The following GRM8 variants were observed in gnomAD, a reference collection of about 807,000 sequenced individuals.
The protein encoded by GRM8 is glutamate metabotropic receptor 8.
A neutral mutation model predicts 87.2 loss-of-function variants in GRM8; 47 were observed. That is an observed-to-expected ratio of 0.54 (90% CI 0.43 to 0.69). The LOEUF (loss-of-function observed/expected upper bound fraction) is 0.69, where lower values mean the gene tolerates loss of function less well. GRM8 is among the 30% of genes least tolerant of loss of function. GRM8 has a pLI of 0.00. For missense variants in GRM8, 1,019 were observed against 1,139.2 expected (o/e 0.89, Z 1.52); for synonymous variants, 396 against 404.5 (o/e 0.98, Z 0.25).
intron 3 of GRM8, among the ~76,000 whole-genome samples, chr7:127,053,798 A>AGGG (rs33927872): frequency 0.051 from 5,271 of 104,152 alleles, 360 homozygotes; most frequent in Non-Finnish European, 0.058. Flanking sequence ...AAAAAAAAAA[A>AGGG]GGGGGGGGGG....
In GRM8 at chr7:126,472,137, G is replaced by T. The variant is rs13234002; in HGVS notation, c.2431-25765C>A. ...ATACAATCATGTCATCTGCAAGCAG[G>T]GACAATTTGACTTCCTCTTTTCCTA... is the stretch of plus-strand genomic sequence containing the variant. On this transcript the variant is annotated intron_variant, in intron 9 of 10. Transcript: ENST00000339582. Among the ~76,000 whole-genome samples, 663 of 152,104 alleles carry T rather than the reference G, an allele frequency of 4.4e-3. 2 individuals are homozygous for T. Among genetic ancestry groups the T allele is most frequent in the African/African-American group, 0.015 (639 of 41,500 alleles).
intron 2 of GRM8, among the ~76,000 whole-genome samples, chr7:127,153,967 G>A (rs17866432): frequency 6.6e-6 from 1 of 152,118 alleles, no homozygotes; most frequent in Non-Finnish European, 1.5e-5. Flanking sequence ...AGAGGTACAA[G>A]TGAGGGGACG....
chr7:126,855,400 A>T (rs894717666), intron 6 of GRM8, among the ~76,000 whole-genome samples: 1 of 151,970 alleles, frequency 6.6e-6, no homozygotes, highest in African/African-American at 2.4e-5. Flanking sequence ...CAGAACAGCT[A>T]GGAAACTTGT....
chr7:126,483,771 C>T (rs1339544879), intron 9 of GRM8, among the ~76,000 whole-genome samples: 1 of 112,182 alleles, frequency 8.9e-6, no homozygotes, highest in Admixed American at 9.7e-5. Context: ...CTCCCTCCCT[C>T]CCTTCCTCCC....
At chr7:126,502,324 T>G (rs1029930214) in intron 9 of GRM8, among the ~76,000 whole-genome samples, 1 of 152,028 alleles carries the variant, frequency 6.6e-6, no homozygotes, top group Non-Finnish European at 1.5e-5. Flanking sequence ...GGCAGCACAA[T>G]CAAAACAAAT....
At chr7:127,210,974 A>T (rs1461838516) in intron 2 of GRM8, among the ~76,000 whole-genome samples, 1 of 152,224 alleles carries the variant, frequency 6.6e-6, no homozygotes, top group African/African-American at 2.4e-5. Flanking sequence ...TCTCAGAGTT[A>T]GTATGGTAGA....
Position 126,895,274 on chromosome 7 carries a change from C to T in GRM8, c.1156+7268G>A, listed in dbSNP as rs547911338. Among the ~76,000 whole-genome samples, 12 of 152,134 alleles carry T rather than the reference C, an allele frequency of 7.9e-5. No homozygotes were observed. The South Asian group carries it at 2.5e-3, about 32-fold the overall frequency. On this transcript the variant is annotated intron_variant, in intron 6 of 10. Coordinates refer to ENST00000339582, the MANE Select transcript of GRM8 (RefSeq NM_000845.3). The stretch of plus-strand genomic sequence containing the variant: ...GTTTAGACGATCTTCTGTAAGACAC[C>T]TTGAGTTTATCAGTAACCTTTAGCA...
chr7:127,123,476 C>T (rs1827195352), intron 2 of GRM8, among the ~76,000 whole-genome samples: 1 of 152,118 alleles, frequency 6.6e-6, no homozygotes, highest in African/African-American at 2.4e-5. Flanking sequence ...CACATTTCCT[C>T]TCTGTGTGTG....
intron 6 of GRM8, among the ~76,000 whole-genome samples, chr7:126,804,420 C>A (rs73451274): frequency 0.019 from 2,900 of 152,266 alleles, 95 homozygotes; most frequent in African/African-American, 0.066. Context: ...TATTCTTCTG[C>A]CATAATTGGC....
intron 7 of GRM8, chr7:126,701,776 G>T: frequency 7.8e-7 from 1 of 1,279,526 alleles, no homozygotes; most frequent in Non-Finnish European, 1.0e-6. Context: ...GGAAAATGAA[G>T]GAGTAAAAAG....
intron 6 of GRM8, among the ~76,000 whole-genome samples, chr7:126,862,977 G>A (rs1414577032): frequency 6.6e-6 from 1 of 151,866 alleles, no homozygotes; most frequent in African/African-American, 2.4e-5. Flanking sequence ...GCTTCTTCTT[G>A]TATGCTTTTC....
At chr7:127,189,840 A>G (rs1430619517) in intron 2 of GRM8, among the ~76,000 whole-genome samples, 1 of 152,176 alleles carries the variant, frequency 6.6e-6, no homozygotes, top group Non-Finnish European at 1.5e-5. Flanking sequence ...GCTTACAGCA[A>G]CTCATCCCCA....
At chr7:126,578,130 T>C (rs1037364199) in intron 8 of GRM8, among the ~76,000 whole-genome samples, 2 of 152,188 alleles carry the variant, frequency 1.3e-5, no homozygotes, top group African/African-American at 4.8e-5. Flanking sequence ...ATATCCATAT[T>C]TTTCCTGTTA....
intron 7 of GRM8, among the ~76,000 whole-genome samples, chr7:126,631,284 T>A (rs541135810): frequency 2.6e-5 from 4 of 152,114 alleles, no homozygotes; most frequent in African/African-American, 9.6e-5. Context: ...CTTTCACAAC[T>A]GCCACAAAAA....
chr7:126,947,685 G>A (rs761151564), intron 3 of GRM8, among the ~76,000 whole-genome samples: 12 of 151,940 alleles, frequency 7.9e-5, no homozygotes, highest in Non-Finnish European at 8.8e-5. Context: ...AACAAGCCCC[G>A]AGGCCTTCCT....
At chr7:126,932,584 C>A (rs1805873908) in intron 3 of GRM8, among the ~76,000 whole-genome samples, 1 of 152,110 alleles carries the variant, frequency 6.6e-6, no homozygotes, top group South Asian at 2.1e-4. Context: ...AATAGACATA[C>A]ATATTAAGGC....
intron 2 of GRM8, among the ~76,000 whole-genome samples, chr7:127,168,192 A>G (rs1383526751): frequency 6.6e-6 from 1 of 152,240 alleles, no homozygotes; most frequent in Non-Finnish European, 1.5e-5. Context: ...AAAAGTGGGC[A>G]AAGGATATGA....
At chr7:126,893,689 A>G (rs1002368267) in intron 6 of GRM8, among the ~76,000 whole-genome samples, 1 of 152,012 alleles carries the variant, frequency 6.6e-6, no homozygotes, top group African/African-American at 2.4e-5. Flanking sequence ...CTTCCTCACA[A>G]AATATAAGCT....
intron 7 of GRM8, among the ~76,000 whole-genome samples, chr7:126,750,823 A>C (rs887359242): frequency 1.3e-5 from 2 of 152,022 alleles, no homozygotes; most frequent in Non-Finnish European, 2.9e-5. Flanking sequence ...TTCACTAATA[A>C]GTTTTCCCCT....
Sources: allele counts gnomAD v4.1 joint callset (sites outside exome capture counted in the v4.1 genomes callset), GRCh38; gene constraint gnomAD v4.1.1; transcripts MANE v1.5; gene names NCBI Gene and HGNC (gene_info 2026-07-23, HGNC 2026-07-21).